Variants in SCN3A observed in about 807,000 individuals in gnomAD.
SCN3A encodes sodium voltage-gated channel alpha subunit 3.
SCN3A carries 60 observed loss-of-function variants against 187.6 expected under a neutral mutation model. The ratio of observed to expected loss-of-function variants is 0.32; its 90% CI spans 0.26 to 0.40. SCN3A has a LOEUF of 0.40. Ranked by LOEUF, SCN3A falls within the 10% of genes least tolerant of loss-of-function variation. The pLI is 1.00. For synonymous variants in SCN3A, 788 were observed against 829.2 expected (o/e 0.95, Z 0.85); for missense variants, 1,601 against 2,428.2 (o/e 0.66, Z 7.16).
chr2:165,130,016 C>T lies in SCN3A; in HGVS notation c.2846G>A (p.Trp949Ter). ...TTGGCCAGCGACCTCCATACAGTCC[C>T]ACATGGTCTCTATCCACTCTCCACA... ...VLCGEWIETM[W>*]DCMEVAGQTM... The change falls in exon 17 of 28, where the codon TGG (tryptophan) becomes TAG (stop). Residue 949 changes from tryptophan (W) to a stop codon, truncating the protein, a stop_gained. Coordinates refer to ENST00000283254, the MANE Select transcript of SCN3A (RefSeq NM_006922.4). LOFTEE classifies it high-confidence loss of function. 1 of 1,614,138 alleles carries T rather than the reference C, an allele frequency of 6.2e-7. No individual in the cohort carries two copies. The highest frequency in any genetic ancestry group is 8.5e-7 in the Non-Finnish European group (1 of 1,180,030).
intron 15 of SCN3A, 73 bp downstream of exon 15, chr2:165,137,805 CA>C: frequency 1.7e-6 from 2 of 1,184,532 alleles, no homozygotes; most frequent in Non-Finnish European, 1.3e-6. Context: ...CAACACAGCA[CA>C]AATACATCTT....
intron 3 of SCN3A, among the ~76,000 whole-genome samples, chr2:165,175,770 A>T (rs1043893282): frequency 7.9e-5 from 12 of 152,126 alleles, no homozygotes; most frequent in African/African-American, 2.7e-4. Flanking sequence ...TAAGTACAAC[A>T]TATGCTCATA....
intron 21 of SCN3A, among the ~76,000 whole-genome samples, chr2:165,110,395 A>G (rs1686060039): frequency 1.3e-5 from 2 of 152,340 alleles, no homozygotes; most frequent in South Asian, 2.1e-4. Flanking sequence ...AAGAGGTTAC[A>G]TTTTTTACAC....
At chr2:165,149,207 A>G (rs1168614303) in intron 11 of SCN3A, among the ~76,000 whole-genome samples, 1 of 149,336 alleles carries the variant, frequency 6.7e-6, no homozygotes, top group African/African-American at 2.5e-5. Flanking sequence ...ATGGGGTCTC[A>G]CTCTGTCGCC....
At chr2:165,162,186 G>T in intron 9 of SCN3A, 122 bp downstream of exon 9, 1 of 867,082 alleles carries the variant, frequency 1.2e-6, no homozygotes, top group Non-Finnish European at 1.9e-6. Context: ...TCCTAGGGGA[G>T]CAGCACTGCT....
intron 9 of SCN3A, among the ~76,000 whole-genome samples, chr2:165,160,307 A>G (rs1179440097): frequency 6.6e-6 from 1 of 152,156 alleles, no homozygotes; most frequent in Non-Finnish European, 1.5e-5. Context: ...ACAGTATGCT[A>G]ATAATATAAA....
chr2:165,132,896 A>T (rs1687430072), intron 15 of SCN3A, among the ~76,000 whole-genome samples: 1 of 152,220 alleles, frequency 6.6e-6, no homozygotes, highest in East Asian at 1.9e-4. Context: ...ACAAAGGGCT[A>T]ATATCCAGAA....
At chr2:165,123,285 A>G (rs1686799797) in intron 18 of SCN3A, among the ~76,000 whole-genome samples, 1 of 152,152 alleles carries the variant, frequency 6.6e-6, no homozygotes, top group Non-Finnish European at 1.5e-5. Flanking sequence ...AGTGGTATTC[A>G]TATATACAGA....
chr2:165,150,563 T>C (rs1254851321), intron 11 of SCN3A, among the ~76,000 whole-genome samples: 2 of 152,220 alleles, frequency 1.3e-5, no homozygotes, highest in African/African-American at 2.4e-5. Flanking sequence ...TGAATCAAAT[T>C]GTGATGATTT....
In SCN3A at chr2:165,094,367, T is replaced by C; in HGVS notation, c.4536+7A>G. ...TTGGAACATTAAAGGAGACAAGTAATTCTTACTGCTGGGCGAGGTATGGGT... is the reference window on the plus strand; with the variant it reads ...TTGGAACATTAAAGGAGACAAGTAACTCTTACTGCTGGGCGAGGTATGGGT... On this transcript the variant is annotated splice_region_variant and intron_variant, in intron 26 of 27. Transcript: ENST00000283254. The C allele has an allele frequency of 1.9e-6, 3 of 1,599,820 alleles. No individual in the cohort carries two copies. The highest frequency in any genetic ancestry group is 2.6e-6 in the Non-Finnish European group (3 of 1,167,040).
At chr2:165,104,335 A>G (rs1685746918) in intron 21 of SCN3A, among the ~76,000 whole-genome samples, 1 of 152,056 alleles carries the variant, frequency 6.6e-6, no homozygotes. Flanking sequence ...GCATGTGGAT[A>G]CTGAGATTTA....
intron 12 of SCN3A, among the ~76,000 whole-genome samples, chr2:165,141,488 C>G (rs1688011396): frequency 6.6e-6 from 1 of 152,164 alleles, no homozygotes; most frequent in Admixed American, 6.6e-5. Context: ...CAATATTTCA[C>G]TTCAGGATAA....
intron 18 of SCN3A, among the ~76,000 whole-genome samples, chr2:165,125,448 T>C (rs1273269851): frequency 2.0e-5 from 3 of 151,954 alleles, no homozygotes; most frequent in Non-Finnish European, 4.4e-5. Flanking sequence ...GGACTACAGG[T>C]GCCCGCCACC....
chr2:165,185,762 A>G (rs539974930), intron 2 of SCN3A, among the ~76,000 whole-genome samples: 1 of 152,184 alleles, frequency 6.6e-6, no homozygotes, highest in East Asian at 1.9e-4. Flanking sequence ...TACACCAAAT[A>G]AATAAATAGT....
chr2:165,170,687 A>G (rs1028341767), intron 3 of SCN3A, 139 bp from the exon 4 acceptor site: 4 of 625,162 alleles, frequency 6.4e-6, no homozygotes, highest in Non-Finnish European at 1.2e-5. Flanking sequence ...TATCATAACT[A>G]CAAACATGTT....
intron 14 of SCN3A, among the ~76,000 whole-genome samples, chr2:165,138,883 G>A (rs1687823836): frequency 6.6e-6 from 1 of 152,136 alleles, no homozygotes; most frequent in Non-Finnish European, 1.5e-5. Context: ...AGGAGTGAGG[G>A]CTGTGTGATG....
rs911149470 is a variant in SCN3A, at chr2:165,139,564, A to G, written c.2064T>C (p.Ser688=). Residue 688 remains serine, a synonymous_variant, in exon 14 of 28, where the codon TCT becomes TCC. Coordinates refer to ENST00000283254, the MANE Select transcript of SCN3A (RefSeq NM_006922.4). ...CCAGCATCTCCATTGAAATCTGGTAAGAGCTTAACCTTCTCTTTCTGACTT... is the reference window on the plus strand; with the variant it reads ...CCAGCATCTCCATTGAAATCTGGTAGGAGCTTAACCTTCTCTTTCTGACTT... The part of the protein sequence containing the change: ...ETEVRKRRLS[S]YQISMEMLED... 1 of 1,607,860 alleles carries G rather than the reference A, an allele frequency of 6.2e-7. No individual in the cohort carries two copies. Among genetic ancestry groups the G allele is most frequent in the South Asian group, 1.1e-5 (1 of 90,928 alleles).
At position 165,125,300 on chromosome 2, in the gene SCN3A, G is replaced by C. The variant is rs551009567; in HGVS notation, c.3393+2331C>G. Among the ~76,000 whole-genome samples, 5 of 151,724 alleles carry C rather than the reference G, an allele frequency of 3.3e-5. No individual in the cohort carries two copies. The East Asian group carries it at 9.7e-4, about 29-fold the overall frequency. ...CTATAGCCTCACATGCAACCTGACAGGATTAAACTTTTTTTTTTTTTGAGA... is the reference window on the plus strand; with the variant it reads ...CTATAGCCTCACATGCAACCTGACACGATTAAACTTTTTTTTTTTTTGAGA... On this transcript the variant is annotated intron_variant, in intron 18 of 27. Transcript: ENST00000283254.
At chr2:165,134,331 C>T (rs1687540953) in intron 15 of SCN3A, among the ~76,000 whole-genome samples, 2 of 152,308 alleles carry the variant, frequency 1.3e-5, no homozygotes, top group East Asian at 3.9e-4. Flanking sequence ...GCTATAGTTA[C>T]AAGTTGCAGT....
Sources: gnomAD v4.1 joint callset for allele counts (sites outside exome capture counted in the v4.1 genomes callset) on GRCh38, gnomAD v4.1.1 for gene constraint, MANE v1.5 for transcripts, NCBI Gene and HGNC (gene_info 2026-07-23, HGNC 2026-07-21) for gene names.